MMP26: variants seen among roughly 807,000 people sequenced by gnomAD.
MMP26 encodes the protein matrix metallopeptidase 26.
Under a neutral mutation model 31.0 loss-of-function variants are expected in MMP26, and 33 were observed. The ratio of observed to expected loss-of-function variants is 1.06; its 90% confidence interval spans 0.81 to 1.42. The LOEUF is 1.42. Ranked by LOEUF, MMP26 falls within the 40% of genes most tolerant of loss-of-function variation. The probability of loss-of-function intolerance (pLI) is 0.00; values close to 1 mark genes in which losing one functional copy is unlikely to be tolerated. For missense variants in MMP26, 347 were observed against 316.1 expected, an observed-to-expected ratio of 1.10 and a Z score of -0.74; for synonymous variants, 122 against 114.9, an observed-to-expected ratio of 1.06 and a Z score of -0.40.
At chr11:4,807,971 A>T (rs1330007775) in intron 2 of MMP26, among the ~76,000 whole-genome samples, 1 of 151,738 alleles carries the variant, frequency 6.6e-6, no homozygotes, top group African/African-American at 2.4e-5. Flanking sequence ...CGCCCAGCAA[A>T]TTTTTTGTAT....
In MMP26 at chr11:4,801,069, T is replaced by C. The variant is rs370813280; in HGVS notation, c.-145+33728T>C. Among the ~76,000 whole-genome samples, 101 of 152,338 alleles carry C rather than the reference T, an allele frequency of 6.6e-4. 1 individual carries two copies. Among genetic ancestry groups the C allele is most frequent in the African/African-American group, 2.4e-3 (99 of 41,582 alleles). On this transcript the variant is annotated intron_variant, in intron 2 of 7. Coordinates refer to ENST00000380390, the MANE Select transcript of MMP26 (RefSeq NM_021801.5). ...AGTTCATTTCTTCACTTCAAGTTCATATGAACTTCACTGCCCATATTTCTA... is the reference window on the plus strand; with the variant it reads ...AGTTCATTTCTTCACTTCAAGTTCACATGAACTTCACTGCCCATATTTCTA...
At chr11:4,883,055 A>G (rs1034709135) in intron 2 of MMP26, among the ~76,000 whole-genome samples, 1 of 152,160 alleles carries the variant, frequency 6.6e-6, no homozygotes, top group African/African-American at 2.4e-5. Context: ...AATTTTTAAT[A>G]CCATAATTTA....
intron 2 of MMP26, among the ~76,000 whole-genome samples, chr11:4,972,733 A>G (rs560125547): frequency 3.9e-5 from 6 of 152,324 alleles, no homozygotes; most frequent in South Asian, 2.1e-4. Flanking sequence ...GGGAAACTGC[A>G]TAAGAGTGAA....
In MMP26 at chr11:4,952,009, C is replaced by A. The variant is rs572971317; in HGVS notation, c.-144-36059C>A. ...CCTGTAGCTCACAAGGTTCCTACAACTTTTAATTCAAGTCTGTCTGCTGTT... is the reference window on the plus strand; with the variant it reads ...CCTGTAGCTCACAAGGTTCCTACAAATTTTAATTCAAGTCTGTCTGCTGTT... On this transcript the variant is annotated intron_variant, in intron 2 of 7. Coordinates refer to ENST00000380390, the MANE Select transcript of MMP26 (RefSeq NM_021801.5). 8.9e-5 allele frequency among the ~76,000 whole-genome samples: 11 copies of A among 124,196 alleles called. 2 individuals are homozygous for A. Among genetic ancestry groups the A allele is most frequent in the Non-Finnish European group, 2.0e-4 (11 of 54,834 alleles). The allele number at this position is 124,196 out of a possible 152,430, so 81.5% of individuals were successfully genotyped here.
intron 2 of MMP26, among the ~76,000 whole-genome samples, chr11:4,874,158 T>G (rs879584731): frequency 2.6e-5 from 4 of 152,104 alleles, no homozygotes; most frequent in Non-Finnish European, 4.4e-5. Flanking sequence ...TTTTATCCAG[T>G]TCAGTAGCAC....
At chr11:4,848,097 A>G (rs1429804889) in intron 2 of MMP26, 4 of 863,486 alleles carry the variant, frequency 4.6e-6, no homozygotes, top group Non-Finnish European at 5.3e-6. Context: ...ACACAGGCAT[A>G]CTTCCAGGGA....
At chr11:4,744,197 T>C (rs1013093993) in intron 1 of MMP26, among the ~76,000 whole-genome samples, 2 of 152,190 alleles carry the variant, frequency 1.3e-5, no homozygotes, top group Non-Finnish European at 2.9e-5. Flanking sequence ...ACACTGACCG[T>C]ATTTCCTTGA....
intron 2 of MMP26, among the ~76,000 whole-genome samples, chr11:4,770,868 T>C (rs1377223534): frequency 6.7e-6 from 1 of 149,714 alleles, no homozygotes; most frequent in Non-Finnish European, 1.5e-5. Context: ...AAAAACATGG[T>C]GTGAAGACCG....
intron 2 of MMP26, among the ~76,000 whole-genome samples, chr11:4,843,204 T>A (rs943001949): frequency 6.6e-6 from 1 of 152,190 alleles, no homozygotes; most frequent in African/African-American, 2.4e-5. Flanking sequence ...TTCTGGAGTA[T>A]GGATAATGGT....
At chr11:4,829,553 C>G (rs1408850691) in intron 2 of MMP26, among the ~76,000 whole-genome samples, 2 of 152,040 alleles carry the variant, frequency 1.3e-5, no homozygotes, top group African/African-American at 4.8e-5. Context: ...GAACAATTTC[C>G]CTTCTGAACG....
chr11:4,774,689 T>C (rs1358815154), intron 2 of MMP26, among the ~76,000 whole-genome samples: 1 of 152,226 alleles, frequency 6.6e-6, no homozygotes, highest in Admixed American at 6.5e-5. Flanking sequence ...AATTTCATCA[T>C]GAAATCTTTT....
chr11:4,779,671 T>C (rs1307264502), intron 2 of MMP26, among the ~76,000 whole-genome samples: 1 of 152,128 alleles, frequency 6.6e-6, no homozygotes, highest in African/African-American at 2.4e-5. Flanking sequence ...TCTTTCTTCC[T>C]TACATTAGTT....
intron 2 of MMP26, among the ~76,000 whole-genome samples, chr11:4,770,961 A>G (rs34367456): frequency 0.089 from 13,620 of 152,266 alleles, 806 homozygotes; most frequent in Middle Eastern, 0.15. Flanking sequence ...GCTGAGAGCC[A>G]TTAGCGATCC....
intron 2 of MMP26, chr11:4,863,525 T>C (rs182245833): frequency 3.3e-5 from 5 of 152,284 alleles, no homozygotes; most frequent in Admixed American, 2.0e-4. Context: ...TAGAATTTCA[T>C]CAGGATTTAA....
chr11:4,867,771 G>A (rs530707825), intron 2 of MMP26, among the ~76,000 whole-genome samples: 322 of 152,110 alleles, frequency 2.1e-3, no homozygotes, highest in African/African-American at 7.4e-3. Flanking sequence ...TGAAGAAAAA[G>A]GAACACTTTT....
At chr11:4,908,544 C>T in intron 2 of MMP26, 1 of 536,072 alleles carries the variant, frequency 1.9e-6, no homozygotes, top group Non-Finnish European at 3.3e-6. Flanking sequence ...AAGGAAAATA[C>T]TTCTGTGATG....
chr11:4,895,137 T>C (rs1850681551), intron 2 of MMP26, among the ~76,000 whole-genome samples: 1 of 152,216 alleles, frequency 6.6e-6, no homozygotes, highest in Non-Finnish European at 1.5e-5. Flanking sequence ...AAATTGATTT[T>C]GTAAAGAAAG....
intron 1 of MMP26, among the ~76,000 whole-genome samples, chr11:4,717,681 A>G (rs1422302590): frequency 1.3e-5 from 2 of 152,116 alleles, no homozygotes; most frequent in East Asian, 3.9e-4. Context: ...TTTTTACCAC[A>G]GTGAGATGCT....
intron 2 of MMP26, chr11:4,907,608 C>T (rs748004733): frequency 1.3e-5 from 21 of 1,613,782 alleles, no homozygotes; most frequent in Non-Finnish European, 1.8e-5. Context: ...TCCCTTCCTA[C>T]CATGTTGAGG....
Sources: gnomAD v4.1 joint callset for allele counts (sites outside exome capture counted in the v4.1 genomes callset) on GRCh38, gnomAD v4.1.1 for gene constraint, MANE v1.5 for transcripts, NCBI Gene and HGNC (gene_info 2026-07-23, HGNC 2026-07-21) for gene names.